KIAA1958: variants seen among roughly 807,000 people sequenced by gnomAD.
KIAA1958 encodes uncharacterized protein KIAA1958.
Under a neutral mutation model 47.2 loss-of-function variants are expected in KIAA1958, and 14 were observed. The ratio of observed to expected loss-of-function variants is 0.30; its 90% CI spans 0.20 to 0.46. The LOEUF (loss-of-function observed/expected upper bound fraction) is 0.46. Among genes scored for constraint, KIAA1958 ranks in the 20% least tolerant of loss-of-function variants. The pLI is 1.00. For missense variants in KIAA1958, 803 were observed against 909.2 expected, an observed-to-expected ratio of 0.88 and a Z score of 1.50; for synonymous variants, 354 against 353.3, an observed-to-expected ratio of 1.00 and a Z score of -0.02.
In KIAA1958 at chr9:112,660,328, T is replaced by C. The variant is rs1205141912; in HGVS notation, c.*259T>C. ...AGAATCTAACACAATGTATAATTGT[T>C]ACATACAAGAGTGAGGAAATTCATT... On this transcript the variant is annotated 3_prime_UTR_variant, in exon 4 of 4. Transcript: ENST00000337530. 4.0e-6 allele frequency: 2 copies of C among 503,998 alleles called. No homozygotes were observed. The highest frequency in any genetic ancestry group is 7.1e-6 in the Non-Finnish European group (2 of 280,448). The allele number at this position is 503,998 out of a possible 1,614,324, so 31.2% of individuals were successfully genotyped here.
intron 2 of KIAA1958, among the ~76,000 whole-genome samples, chr9:112,612,602 C>A (rs150293712): frequency 2.1e-4 from 32 of 151,982 alleles, no homozygotes; most frequent in African/African-American, 6.8e-4. Context: ...AAAATAAAAT[C>A]ATAATATATA....
At chr9:112,596,482 A>T (rs1358800143) in intron 2 of KIAA1958, among the ~76,000 whole-genome samples, 1 of 152,166 alleles carries the variant, frequency 6.6e-6, no homozygotes, top group African/African-American at 2.4e-5. Context: ...TTGAAAGAAA[A>T]GCTTTCTTTT....
intron 1 of KIAA1958, among the ~76,000 whole-genome samples, chr9:112,495,544 A>G (rs544133514): frequency 6.6e-6 from 1 of 152,356 alleles, no homozygotes; most frequent in Non-Finnish European, 1.5e-5. Context: ...GGATAGCTGA[A>G]ATTCTCCTGC....
chr9:112,624,696 G>A (rs907193435), intron 2 of KIAA1958, among the ~76,000 whole-genome samples: 2 of 152,028 alleles, frequency 1.3e-5, no homozygotes, highest in Non-Finnish European at 2.9e-5. Flanking sequence ...TTTTTTAATG[G>A]CATTTTAATA....
intron 1 of KIAA1958, among the ~76,000 whole-genome samples, chr9:112,538,389 T>A (rs959331814): frequency 2.0e-5 from 3 of 151,992 alleles, no homozygotes; most frequent in African/African-American, 7.2e-5. Context: ...TGTGTCAGAC[T>A]GAACTAAATA....
intron 1 of KIAA1958, among the ~76,000 whole-genome samples, chr9:112,531,760 G>A (rs1472053163): frequency 6.6e-6 from 1 of 152,156 alleles, no homozygotes; most frequent in Non-Finnish European, 1.5e-5. Flanking sequence ...AATTGTTCAT[G>A]TATCTTATTT....
intron 1 of KIAA1958, among the ~76,000 whole-genome samples, chr9:112,532,021 G>A (rs981768298): frequency 1.3e-5 from 2 of 152,192 alleles, no homozygotes; most frequent in African/African-American, 4.8e-5. Flanking sequence ...CCTCTCATAG[G>A]AGACTGATGA....
chr9:112,561,464 C>G lies in KIAA1958; in HGVS notation c.-24-12593C>G, dbSNP rs1835328293. Among the ~76,000 whole-genome samples, 3 of 152,200 alleles carry G rather than the reference C, an allele frequency of 2.0e-5. No homozygotes were observed. In the South Asian group the frequency reaches 6.2e-4, roughly 31 times the overall value. On this transcript the variant is annotated intron_variant, in intron 1 of 3. Transcript: ENST00000337530. ...AGTTCCATGTGAGCACAGTTCATGACTGTTATTAATGGCAGTATCCCCAGT... is the reference window on the plus strand; with the variant it reads ...AGTTCCATGTGAGCACAGTTCATGAGTGTTATTAATGGCAGTATCCCCAGT...
intron 1 of KIAA1958, among the ~76,000 whole-genome samples, chr9:112,536,037 A>G (rs900414934): frequency 6.6e-6 from 1 of 152,192 alleles, no homozygotes; most frequent in Admixed American, 6.5e-5. Flanking sequence ...CCTTCCTTCC[A>G]TTCTCATCTC....
At chr9:112,649,244 A>G (rs553365126) in intron 3 of KIAA1958, among the ~76,000 whole-genome samples, 64 of 152,136 alleles carry the variant, frequency 4.2e-4, no homozygotes, top group African/African-American at 1.4e-3. Flanking sequence ...TGCAGCCTCA[A>G]TCTCCTGGGC....
Position 112,665,005 on chromosome 9 carries a change from G to C in KIAA1958, c.*4936G>C, listed in dbSNP as rs2131259707. 6.6e-6 allele frequency: 1 copy of C among 150,988 alleles called. No homozygotes were observed. Among genetic ancestry groups the C allele is most frequent in the Admixed American group, 6.6e-5 (1 of 15,132 alleles). 9.4% of individuals were successfully genotyped at this position (150,988 alleles called of 1,614,324 possible). ...GTTCTCCATGTTCAGTGGTTGACCA[G>C]AATCTGATTGTTGCGCTCAATTAAA... On this transcript the variant is annotated 3_prime_UTR_variant, in exon 4 of 4. Coordinates refer to ENST00000337530, the MANE Select transcript of KIAA1958 (RefSeq NM_133465.4).
intron 1 of KIAA1958, among the ~76,000 whole-genome samples, chr9:112,568,935 C>CA (rs1835481168): frequency 3.5e-4 from 1 of 2,856 alleles, no homozygotes; most frequent in African/African-American, 1.5e-3. Flanking sequence ...AATAGGAAAA[C>CA]TAAAAAAAAA....
At chr9:112,488,413 G>A (rs1014681855) in intron 1 of KIAA1958, among the ~76,000 whole-genome samples, 2 of 152,152 alleles carry the variant, frequency 1.3e-5, no homozygotes, top group African/African-American at 2.4e-5. Context: ...AATAAATGAG[G>A]TTGAATAAGC....
chr9:112,644,194 AC>A (rs112290935), intron 2 of KIAA1958, among the ~76,000 whole-genome samples: 104,161 of 151,236 alleles, frequency 0.69, 36,208 homozygotes, highest in Non-Finnish European at 0.73. Context: ...AAACAAACAA[AC>A]AAAAAACAAA....
chr9:112,630,043 G>A (rs1209397968), intron 2 of KIAA1958, among the ~76,000 whole-genome samples: 2 of 151,716 alleles, frequency 1.3e-5, no homozygotes, highest in African/African-American at 4.9e-5. Context: ...AGTCAATGCA[G>A]ATGAGCCAAG....
At position 112,668,118 on chromosome 9, in the gene KIAA1958, C is replaced by T. The variant is rs1306265265; in HGVS notation, c.*8049C>T. 1.5e-5 allele frequency: 1 copy of T among 66,580 alleles called. No individual in the cohort carries two copies. Among genetic ancestry groups the T allele is most frequent in the Non-Finnish European group, 2.7e-5 (1 of 36,756 alleles). The allele number at this position is 66,580 out of a possible 1,614,324, so 4.1% of individuals were successfully genotyped here. ...CCCACCATCATTTAAAACACTCTAT[C>T]CTGAAAGAGTCCACTGCTTCCAAGT... On this transcript the variant is annotated 3_prime_UTR_variant, in exon 4 of 4. Coordinates refer to ENST00000337530, the MANE Select transcript of KIAA1958 (RefSeq NM_133465.4).
intron 2 of KIAA1958, among the ~76,000 whole-genome samples, chr9:112,576,684 T>C (rs1460987932): frequency 6.6e-6 from 1 of 152,244 alleles, no homozygotes; most frequent in Non-Finnish European, 1.5e-5. Context: ...TCTTTCCTTT[T>C]TATTGCCAAA....
chr9:112,506,162 A>T (rs918716739), intron 1 of KIAA1958, among the ~76,000 whole-genome samples: 2 of 152,198 alleles, frequency 1.3e-5, no homozygotes, highest in Non-Finnish European at 2.9e-5. Context: ...AATTTGTAAA[A>T]ACAAATGTTA....
At chr9:112,564,518 A>G (rs7024451) in intron 1 of KIAA1958, among the ~76,000 whole-genome samples, 145,506 of 152,306 alleles carry the variant, frequency 0.96, 69,583 homozygotes, top group African/African-American at 0.99. Flanking sequence ...TTATTAATTA[A>G]TTTTGTCATC....
Sources: allele counts gnomAD v4.1 joint callset (sites outside exome capture counted in the v4.1 genomes callset), GRCh38; gene constraint gnomAD v4.1.1; transcripts MANE v1.5; gene names NCBI Gene and HGNC (gene_info 2026-07-23, HGNC 2026-07-21).